MMP26: variants seen among roughly 807,000 people sequenced by gnomAD.
The protein encoded by MMP26 is matrix metallopeptidase 26, also known as matrix metalloproteinase-26.
A neutral mutation model predicts 31.0 loss-of-function variants in MMP26; 33 were observed. The ratio of observed to expected loss-of-function variants is 1.06; its 90% CI spans 0.81 to 1.42. The LOEUF is 1.42. Among genes scored for constraint, MMP26 ranks in the 40% most tolerant of loss-of-function variants. The pLI is 0.00. For synonymous variants in MMP26, 122 were observed against 114.9 expected (o/e 1.06, Z -0.40); for missense variants, 347 against 316.1 (o/e 1.10, Z -0.74).
intron 1 of MMP26, among the ~76,000 whole-genome samples, chr11:4,734,381 T>C (rs4910669): frequency 6.6e-6 from 1 of 152,090 alleles, no homozygotes; most frequent in Non-Finnish European, 1.5e-5. Flanking sequence ...TATTCTCTAT[T>C]TCATTAATTT....
intron 2 of MMP26, among the ~76,000 whole-genome samples, chr11:4,862,457 ACT>A (rs1157969375): frequency 6.6e-6 from 1 of 152,074 alleles, no homozygotes; most frequent in African/African-American, 2.4e-5. Flanking sequence ...AATCCCTCAA[ACT>A]CTGTTCTGAT....
Position 4,992,333 on chromosome 11 carries a change from G to A in MMP26, c.*91G>A, listed in dbSNP as rs947022712. The stretch of plus-strand genomic sequence containing the variant: ...AAGCACTAGAGCAGCCTTGGGGACT[G>A]CTAGGATGAAGCCCTAAAGAATGCA... On this transcript the variant is annotated 3_prime_UTR_variant, in exon 8 of 8. Transcript: ENST00000380390. 1.5e-5 allele frequency: 20 copies of A among 1,317,294 alleles called. No individual in the cohort carries two copies. In the East Asian group the frequency reaches 4.7e-4, roughly 31 times the overall value. The allele number at this position is 1,317,294 out of a possible 1,614,324, so 81.6% of individuals were successfully genotyped here.
intron 2 of MMP26, among the ~76,000 whole-genome samples, chr11:4,786,509 T>TTTTA (rs748569870): frequency 0.087 from 12,718 of 145,856 alleles, 937 homozygotes; most frequent in Middle Eastern, 0.15. Flanking sequence ...TTTTTTTTTT[T>TTTTA]TTTTTTTTTT....
intron 2 of MMP26, among the ~76,000 whole-genome samples, chr11:4,925,532 C>T (rs12226172): frequency 2.6e-5 from 4 of 151,918 alleles, no homozygotes; most frequent in East Asian, 3.9e-4. Context: ...TTATATGTAG[C>T]GATTGTGGTG....
chr11:4,887,576 T>C (rs570198051), intron 2 of MMP26, among the ~76,000 whole-genome samples: 22 of 152,306 alleles, frequency 1.4e-4, no homozygotes, highest in African/African-American at 4.8e-4. Context: ...TTGAAATTTA[T>C]AGTTACTCCT....
intron 2 of MMP26, among the ~76,000 whole-genome samples, chr11:4,978,977 G>T (rs772322253): frequency 2.0e-5 from 3 of 152,114 alleles, no homozygotes; most frequent in Non-Finnish European, 4.4e-5. Flanking sequence ...CATTGAGCTT[G>T]CTTAGTCCAA....
At chr11:4,867,387 C>CTTTTTTT (rs3065176) in intron 2 of MMP26, among the ~76,000 whole-genome samples, 8 of 98,296 alleles carry the variant, frequency 8.1e-5, no homozygotes, top group African/African-American at 1.6e-4. Flanking sequence ...AGATGCTGTC[C>CTTTTTTT]TTTTTTTTTT....
rs778896766 is a variant in MMP26, at chr11:4,915,284, C to T, written c.-144-72784C>T. On this transcript the variant is annotated intron_variant, in intron 2 of 7. Transcript: ENST00000380390. The stretch of plus-strand genomic sequence containing the variant: ...CAAGGGGTGGCAGATAGCCACAAAG[C>T]GGTCAAAGGCCATAGACAGTAGCAC... The T allele has an allele frequency of 8.1e-5, 131 of 1,613,676 alleles. 1 individual carries two copies. The highest frequency in any genetic ancestry group is 3.3e-4 in the Middle Eastern group (2 of 6,082).
intron 2 of MMP26, among the ~76,000 whole-genome samples, chr11:4,925,798 AGTTTGTTTGTTT>A (rs370634374): frequency 6.6e-6 from 1 of 151,950 alleles, no homozygotes; most frequent in Non-Finnish European, 1.5e-5. Context: ...AAGTAGGACA[AGTTTGTTTGTTT>A]GTTTGTTTGT....
chr11:4,950,386 A>G lies in MMP26; in HGVS notation c.-144-37682A>G, dbSNP rs755840777. ...AATTCTGTCATTTGCTACAACATGG[A>G]TGGAACTGGAGAACATTATGTTAAA... On this transcript the variant is annotated intron_variant, in intron 2 of 7. Coordinates refer to ENST00000380390, the MANE Select transcript of MMP26 (RefSeq NM_021801.5). 1.7e-5 allele frequency among the ~76,000 whole-genome samples: 2 copies of G among 121,042 alleles called. 1 individual carries two copies. Among genetic ancestry groups the G allele is most frequent in the Non-Finnish European group, 3.7e-5 (2 of 53,558 alleles). 79.4% of individuals were successfully genotyped at this position (121,042 alleles called of 152,430 possible).
chr11:4,906,736 T>C (rs2570578), intron 2 of MMP26, among the ~76,000 whole-genome samples: 152,108 of 152,294 alleles, frequency 1, 75,962 homozygotes, highest in Middle Eastern at 1. Flanking sequence ...AGATTCTAAG[T>C]ATCTTTTTAC....
At position 4,991,965 on chromosome 11, in the gene MMP26, A is replaced by C; in HGVS notation, c.597A>C (p.Gly199=). The C allele has an allele frequency of 6.3e-7, 1 of 1,590,252 alleles. No homozygotes were observed. The highest frequency in any genetic ancestry group is 8.5e-7 in the Non-Finnish European group (1 of 1,173,660). Residue 199 remains glycine, a splice_region_variant and synonymous_variant, in exon 7 of 8, where the codon GGA becomes GGC. Coordinates refer to ENST00000380390, the MANE Select transcript of MMP26 (RefSeq NM_021801.5). The stretch of plus-strand genomic sequence containing the variant: ...TTTTTTTTTTCTATAATTTTTCAGG[A>C]TATAATCTGTTCCTGGTTGCAACTC... ...KNEHWSASDT[G]YNLFLVATHE... is the part of the protein sequence containing the mutation.
Position 4,903,424 on chromosome 11 carries a change from A to G in MMP26, c.-144-84644A>G, listed in dbSNP as rs112323752. Among the ~76,000 whole-genome samples, 546 of 152,324 alleles carry G rather than the reference A, an allele frequency of 3.6e-3. 8 individuals carry two copies. Among genetic ancestry groups the G allele is most frequent in the African/African-American group, 0.012 (506 of 41,592 alleles). ...CTCCATTTTGTGGATGATTAAGCTA[A>G]GATGAAGAACGTTTAAGTGGTTTGA... On this transcript the variant is annotated intron_variant, in intron 2 of 7. Coordinates refer to ENST00000380390, the MANE Select transcript of MMP26 (RefSeq NM_021801.5).
Position 4,921,400 on chromosome 11 carries a change from C to T in MMP26, c.-144-66668C>T, listed in dbSNP as rs138011055. ...TAAAATACAATAAAACAAAACAAAA[C>T]AAAATAAAATAAAATAAATGACAGT... On this transcript the variant is annotated intron_variant, in intron 2 of 7. Coordinates refer to ENST00000380390, the MANE Select transcript of MMP26 (RefSeq NM_021801.5). 4.3e-4 allele frequency among the ~76,000 whole-genome samples: 66 copies of T among 152,214 alleles called. 2 individuals are homozygous for T. Among genetic ancestry groups the T allele is most frequent in the African/African-American group, 1.4e-3 (59 of 41,532 alleles).
intron 2 of MMP26, among the ~76,000 whole-genome samples, chr11:4,902,367 A>C (rs908391002): frequency 3.3e-5 from 5 of 152,024 alleles, no homozygotes; most frequent in African/African-American, 1.2e-4. Context: ...GTAAGAACAC[A>C]GTATCTGGTT....
intron 1 of MMP26, chr11:4,752,971 C>T (rs537706119): frequency 5.9e-5 from 9 of 152,300 alleles, no homozygotes; most frequent in African/African-American, 2.2e-4. Context: ...TTATGGAAGA[C>T]TGGCATTATG....
At chr11:4,863,138 C>G (rs1850187322) in intron 2 of MMP26, among the ~76,000 whole-genome samples, 1 of 152,124 alleles carries the variant, frequency 6.6e-6, no homozygotes, top group African/African-American at 2.4e-5. Flanking sequence ...CCCTGTTCTT[C>G]CATGCAAATA....
chr11:4,991,728 G>A (rs373154268), intron 6 of MMP26, among the ~76,000 whole-genome samples: 2 of 151,878 alleles, frequency 1.3e-5, no homozygotes, highest in African/African-American at 2.4e-5. Flanking sequence ...GCTTCTATTT[G>A]CCAGTCCCTC....
At chr11:4,912,081 G>A (rs183494039) in intron 2 of MMP26, among the ~76,000 whole-genome samples, 48 of 152,064 alleles carry the variant, frequency 3.2e-4, no homozygotes, top group South Asian at 4.2e-4. Flanking sequence ...GTGGTTTTTC[G>A]TCTGTGTTAT....
Sources: allele counts gnomAD v4.1 joint callset (sites outside exome capture counted in the v4.1 genomes callset), GRCh38; gene constraint gnomAD v4.1.1; transcripts MANE v1.5; gene names NCBI Gene and HGNC (gene_info 2026-07-23, HGNC 2026-07-21).